The following SH3GLB2 variants were observed in gnomAD, a reference collection of about 807,000 sequenced individuals.
SH3GLB2 encodes the protein SH3 domain containing GRB2 like, endophilin B2.
In SH3GLB2, 24 loss-of-function variants were observed where a neutral mutation model predicts 48.0. The observed-to-expected ratio is 0.50, with a 90% CI of 0.36 to 0.70. The LOEUF is 0.70. SH3GLB2 is among the 30% of genes least tolerant of loss of function. The pLI is 0.00. For missense variants in SH3GLB2, 425 were observed against 516.0 expected, an observed-to-expected ratio of 0.82 and a Z score of 1.71; for synonymous variants, 227 against 207.6, an observed-to-expected ratio of 1.09 and a Z score of -0.80.
Position 129,014,838 on chromosome 9 carries a change from T to C in SH3GLB2, c.401A>G (p.His134Arg). 1 of 1,614,056 alleles carries C rather than the reference T, an allele frequency of 6.2e-7. No individual in the cohort carries two copies. The highest frequency in any genetic ancestry group is 8.5e-7 in the Non-Finnish European group (1 of 1,180,016). The change falls in exon 4 of 11, where the codon CAC becomes CGC. Residue 134 changes from histidine (H) to arginine (R), a missense_variant. Coordinates refer to ENST00000372564, the MANE Select transcript of SH3GLB2 (RefSeq NM_020145.4). This position sits in a 1 kb window ranked among gnomAD's most constrained non-coding sequence, Gnocchi z 4.1. Reference protein sequence around the residue: ...QLGAAERDFIHTASISFLTPL... With the variant: ...QLGAAERDFIRTASISFLTPL... ...TGTGAGGAAGCTGATGGAGGCCGTG[T>C]GGATAAAATCCCTCTCCGCGGCTCC...
chr9:129,013,947 C>G (rs893640865), intron 5 of SH3GLB2: 1 of 450,006 alleles, frequency 2.2e-6, no homozygotes, highest in Admixed American at 2.4e-5. Flanking sequence ...TGGGACCCCT[C>G]GGACACGGCC....
Position 129,011,249 on chromosome 9 carries a change from A to C in SH3GLB2, c.625-556T>G, listed in dbSNP as rs1451866550. On this transcript the variant is annotated intron_variant, in intron 6 of 10. Coordinates refer to ENST00000372564, the MANE Select transcript of SH3GLB2 (RefSeq NM_020145.4). The surrounding 1 kb of genome is among the most constrained non-coding windows in gnomAD (Gnocchi z 4.5). ...AGAAAGACGCTGCCCGGCCACGACC[A>C]GGAGACCCAGCGCTCCTGCCGCTTC... The C allele has an allele frequency of 6.5e-6, 1 of 152,958 alleles. No individual in the cohort carries two copies. The highest frequency in any genetic ancestry group is 1.5e-5 in the Non-Finnish European group (1 of 68,620). The allele number at this position is 152,958 out of a possible 1,614,324, so 9.5% of individuals were successfully genotyped here.
intron 10 of SH3GLB2, 37 bp from the exon 11 acceptor site, chr9:129,008,828 C>G (rs1842914265): frequency 6.3e-7 from 1 of 1,589,326 alleles, no homozygotes; most frequent in Admixed American, 1.7e-5. Flanking sequence ...CATGGCCTGG[C>G]CAAGGGTGGA....
In SH3GLB2 at chr9:129,009,233, G is replaced by T; in HGVS notation, c.953C>A (p.Ala318Asp). The change falls in exon 10 of 11, where the codon GCC becomes GAC. Residue 318 changes from alanine to aspartate, a missense_variant. Ala to Asp is a moderately radical substitution (Grantham distance 126, BLOSUM62 -2). Coordinates refer to ENST00000372564, the MANE Select transcript of SH3GLB2 (RefSeq NM_020145.4). ...GCAGAGCGAGGCCTCCCCCGGAGGG[G>T]CCAGGCTGGCCACAGAGGGCACCAC... Reference protein sequence around the residue: ...MPVVPSVASLAPPGEASLCLE... With the variant: ...MPVVPSVASLDPPGEASLCLE... The T allele has an allele frequency of 6.3e-7, 1 of 1,596,952 alleles. No individual in the cohort carries two copies. Among genetic ancestry groups the T allele is most frequent in the Non-Finnish European group, 8.5e-7 (1 of 1,171,996 alleles).
chr9:129,010,534 C>A, intron 7 of SH3GLB2, 136 bp downstream of exon 7: 1 of 995,772 alleles, frequency 1.0e-6, no homozygotes, highest in East Asian at 2.4e-5. Flanking sequence ...AACTGAGGCC[C>A]AGGGAGGGAA....
intron 1 of SH3GLB2, among the ~76,000 whole-genome samples, chr9:129,025,283 C>T (rs1844081875): frequency 6.8e-6 from 1 of 147,504 alleles, no homozygotes; most frequent in South Asian, 2.1e-4. Flanking sequence ...AAAAAAAAGG[C>T]CAGGCATGGT....
chr9:129,028,053 A>G, intron 1 of SH3GLB2, 39 bp downstream of exon 1: 1 of 1,490,762 alleles, frequency 6.7e-7, no homozygotes, highest in Non-Finnish European at 8.9e-7. Context: ...CCCGCCGCAC[A>G]TCCGGGCCCC....
At position 129,008,291 on chromosome 9, in the gene SH3GLB2, CT is replaced by C. The variant is rs1842878559; in HGVS notation, c.*392del. The stretch of plus-strand genomic sequence containing the variant: ...GCCCTGTGTGCCTTGCCGCATTCCC[CT>C]GATGCAGCTTTTGGCAACTGAAAGG... On this transcript the variant is annotated 3_prime_UTR_variant, in exon 11 of 11. Coordinates refer to ENST00000372564, the MANE Select transcript of SH3GLB2 (RefSeq NM_020145.4). The C allele has an allele frequency of 4.3e-6, 1 of 231,544 alleles. No homozygotes were observed. The highest frequency in any genetic ancestry group is 2.3e-5 in the African/African-American group (1 of 43,662). The allele number at this position is 231,544 out of a possible 1,614,324, so 14.3% of individuals were successfully genotyped here. A position where few individuals can be genotyped will look rare whatever the true frequency, so the allele number is the denominator to read the frequency against.
chr9:129,022,130 T>C (rs891071226), intron 2 of SH3GLB2, 152 bp downstream of exon 2: 79 of 1,210,952 alleles, frequency 6.5e-5, no homozygotes, highest in African/African-American at 2.3e-4. Context: ...CATTTTCTTT[T>C]AACTGTCCCT....
Position 129,028,075 on chromosome 9 carries a change from G to A in SH3GLB2, c.63+17C>T. The A allele has an allele frequency of 6.7e-7, 1 of 1,499,228 alleles. No homozygotes were observed. The highest frequency in any genetic ancestry group is 8.9e-7 in the Non-Finnish European group (1 of 1,128,254). The allele number at this position is 1,499,228 out of a possible 1,614,324, so 92.9% of individuals were successfully genotyped here. ...CACATCCGGGCCCCCGGCGCACGGC[G>A]CGACGCCAGGCCTCACCTGCACCGC... On this transcript the variant is annotated intron_variant, in intron 1 of 10. Transcript: ENST00000372564.
At chr9:129,023,913 G>A (rs1331998052) in intron 1 of SH3GLB2, among the ~76,000 whole-genome samples, 1 of 151,820 alleles carries the variant, frequency 6.6e-6, no homozygotes, top group African/African-American at 2.4e-5. Flanking sequence ...AGATTTCCTC[G>A]TGGCTCTATT....
At position 129,009,155 on chromosome 9, in the gene SH3GLB2, T is replaced by A; in HGVS notation, c.1031A>T (p.Tyr344Phe). Residue 344 changes from tyrosine to phenylalanine, a missense_variant, in exon 10 of 11, where the codon TAT (tyrosine) becomes TTT (phenylalanine). Physicochemically the swap from Tyr to Phe is conservative, Grantham distance 22. Transcript: ENST00000372564. ...ASGTRKARVL[Y>F]DYEAADSSEL... ...ACTGCTGTCGGCTGCCTCGTAGTCA[T>A]AGAGCACCCGAGCTTTGCGGGTCCC... 6.2e-7 allele frequency: 1 copy of A among 1,611,750 alleles called. No homozygotes were observed. The highest frequency in any genetic ancestry group is 1.7e-4 in the Middle Eastern group (1 of 6,056).
intron 9 of SH3GLB2, 97 bp downstream of exon 9, chr9:129,009,674 T>G: frequency 7.2e-7 from 1 of 1,395,950 alleles, no homozygotes; most frequent in Non-Finnish European, 9.8e-7. Context: ...CAACCCAGCT[T>G]TGTGTCACAG....
At chr9:129,022,117 C>A (rs1392874141) in intron 2 of SH3GLB2, among the ~76,000 whole-genome samples, 165 bp downstream of exon 2, 1 of 152,068 alleles carries the variant, frequency 6.6e-6, no homozygotes, top group Admixed American at 6.6e-5. Flanking sequence ...ACACAGAGTC[C>A]CCCATTTTCT....
rs964219046 is a variant in SH3GLB2, at chr9:129,010,858, A to G, written c.625-165T>C. 4.7e-5 allele frequency: 37 copies of G among 791,484 alleles called. No individual in the cohort carries two copies. In the African/African-American group the frequency reaches 6.0e-4, roughly 13 times the overall value. 49.0% of individuals were successfully genotyped at this position (791,484 alleles called of 1,614,324 possible). ...AGACTGGGCCGAGGCCCGGCATGGG[A>G]GCTGGGGGCTGGCGGTCCCAGTCCC... On this transcript the variant is annotated intron_variant, in intron 6 of 10. Coordinates refer to ENST00000372564, the MANE Select transcript of SH3GLB2 (RefSeq NM_020145.4).
At position 129,014,155 on chromosome 9, in the gene SH3GLB2, G is replaced by A; in HGVS notation, c.561+256C>T. 2 of 622,234 alleles carry A rather than the reference G, an allele frequency of 3.2e-6. No homozygotes were observed. Among genetic ancestry groups the A allele is most frequent in the Non-Finnish European group, 5.9e-6 (2 of 337,310 alleles). The allele number at this position is 622,234 out of a possible 1,614,324, so 38.5% of individuals were successfully genotyped here. ...TGCAGGAGACTCCAGCTGCCTGGCG[G>A]GGTGGTGCACCCAGCTGGGGGCACT... On this transcript the variant is annotated intron_variant, in intron 5 of 10. Transcript: ENST00000372564. This position sits in a 1 kb window ranked among gnomAD's most constrained non-coding sequence, Gnocchi z 4.1.
chr9:129,010,224 G>A lies in SH3GLB2; in HGVS notation c.649-15C>T. Reference sequence around the variant, plus strand: ...TCCTGCTCGGCCTGGGCAGGGCAGGGCAGCCATGAGCACCCACACACCACC... The same window carrying A: ...TCCTGCTCGGCCTGGGCAGGGCAGGACAGCCATGAGCACCCACACACCACC... On this transcript the variant is annotated splice_polypyrimidine_tract_variant and intron_variant, in intron 7 of 10. Coordinates refer to ENST00000372564, the MANE Select transcript of SH3GLB2 (RefSeq NM_020145.4). 1 of 1,608,936 alleles carries A rather than the reference G, an allele frequency of 6.2e-7. No individual in the cohort carries two copies. Among genetic ancestry groups the A allele is most frequent in the Non-Finnish European group, 8.5e-7 (1 of 1,176,744 alleles).
chr9:129,010,627 C>T, intron 7 of SH3GLB2, 43 bp downstream of exon 7: 1 of 1,610,946 alleles, frequency 6.2e-7, no homozygotes, highest in Non-Finnish European at 8.5e-7. Context: ...TGCACCCCGC[C>T]ACCCCTTCTT....
intron 1 of SH3GLB2, among the ~76,000 whole-genome samples, chr9:129,026,571 G>C (rs958984040): frequency 2.6e-5 from 4 of 151,730 alleles, no homozygotes; most frequent in Non-Finnish European, 4.4e-5. Context: ...GCTGGGGCCT[G>C]ACTGCTGGCT....
Sources: allele counts gnomAD v4.1 joint callset (sites outside exome capture counted in the v4.1 genomes callset), GRCh38; gene constraint gnomAD v4.1.1; non-coding constraint Gnocchi (gnomAD v3.1); transcripts MANE v1.5; gene names NCBI Gene and HGNC (gene_info 2026-07-23, HGNC 2026-07-21).